Variants in DLG2 observed in about 807,000 individuals in gnomAD.
DLG2 encodes the protein disks large homolog 2.
DLG2 carries 45 observed loss-of-function variants against 132.5 expected under a neutral mutation model. The observed-to-expected ratio is 0.34, with a 90% confidence interval of 0.27 to 0.44. DLG2 has a LOEUF of 0.44. DLG2 is among the 20% of genes least tolerant of loss of function. The probability of loss-of-function intolerance (pLI) is 1.00; values close to 1 mark genes in which losing one functional copy is unlikely to be tolerated. For synonymous variants in DLG2, 424 were observed against 419.6 expected (o/e 1.01, Z -0.13); for missense variants, 1,045 against 1,196.9 (o/e 0.87, Z 1.87).
intron 3 of DLG2, among the ~76,000 whole-genome samples, chr11:85,543,743 A>G (rs1345898240): frequency 6.6e-6 from 1 of 152,148 alleles, no homozygotes; most frequent in Non-Finnish European, 1.5e-5. Flanking sequence ...ACCAGTGATG[A>G]TGAGCTTTTT....
chr11:85,592,421 T>C (rs549570941), intron 3 of DLG2, among the ~76,000 whole-genome samples: 12 of 152,210 alleles, frequency 7.9e-5, no homozygotes, highest in Non-Finnish European at 1.8e-4. Context: ...TTTGTTTGTT[T>C]CAACTGAAGC....
chr11:84,388,169 A>G (rs544473041), intron 7 of DLG2, among the ~76,000 whole-genome samples: 1 of 152,230 alleles, frequency 6.6e-6, no homozygotes, highest in Non-Finnish European at 1.5e-5. Flanking sequence ...GATACACAGA[A>G]TTCCAATAAT....
intron 3 of DLG2, among the ~76,000 whole-genome samples, chr11:85,498,821 G>C (rs1013003255): frequency 1.3e-5 from 2 of 152,110 alleles, no homozygotes; most frequent in African/African-American, 4.8e-5. Flanking sequence ...CATGGAAACT[G>C]AACAACCTGC....
chr11:83,708,626 C>T (rs1267659349), intron 18 of DLG2, among the ~76,000 whole-genome samples: 5 of 151,944 alleles, frequency 3.3e-5, no homozygotes, highest in Non-Finnish European at 5.9e-5. Flanking sequence ...CAATATGTTG[C>T]CATTTTTTTA....
intron 6 of DLG2, among the ~76,000 whole-genome samples, chr11:84,565,866 A>C (rs2099452148): frequency 6.6e-6 from 1 of 152,082 alleles, no homozygotes; most frequent in Admixed American, 6.5e-5. Context: ...TAGAATGATC[A>C]TCAAATGTGA....
chr11:84,784,097 A>C (rs1025131915), intron 6 of DLG2, among the ~76,000 whole-genome samples: 2 of 142,834 alleles, frequency 1.4e-5, no homozygotes, highest in African/African-American at 5.2e-5. Context: ...CAGGAGTTCA[A>C]GACCAGCCTG....
chr11:85,248,690 G>T (rs1324415178), intron 4 of DLG2, among the ~76,000 whole-genome samples: 3 of 152,174 alleles, frequency 2.0e-5, no homozygotes, highest in South Asian at 4.1e-4. Flanking sequence ...CTCCAGCAAG[G>T]TTACTAAGGT....
intron 3 of DLG2, among the ~76,000 whole-genome samples, chr11:85,481,193 A>G (rs536158391): frequency 1.3e-5 from 2 of 152,352 alleles, no homozygotes; most frequent in South Asian, 4.1e-4. Flanking sequence ...TATGTTCGGT[A>G]TCTACACATA....
chr11:83,865,690 A>G (rs1310233536), intron 16 of DLG2, among the ~76,000 whole-genome samples: 1 of 152,064 alleles, frequency 6.6e-6, no homozygotes, highest in African/African-American at 2.4e-5. Context: ...ACAAACACAT[A>G]AACATAAAAC....
Position 84,714,565 on chromosome 11 carries a change from T to C in DLG2, c.358-179834A>G, listed in dbSNP as rs1019430640. On this transcript the variant is annotated intron_variant, in intron 6 of 27. Transcript: ENST00000376104. ...TCTTTCTCTTTCTCTCTCTTTCTCTTTCTCTTTCTCTTTCTCTTTCTCTTT... is the reference window on the plus strand; with the variant it reads ...TCTTTCTCTTTCTCTCTCTTTCTCTCTCTCTTTCTCTTTCTCTTTCTCTTT... Among the ~76,000 whole-genome samples, 403 of 98,604 alleles carry C rather than the reference T, an allele frequency of 4.1e-3. 6 individuals are homozygous for C. The highest frequency in any genetic ancestry group is 5.3e-3 in the Middle Eastern group (1 of 190). 64.7% of individuals were successfully genotyped at this position (98,604 alleles called of 152,430 possible).
At chr11:85,058,701 A>G (rs1197403399) in intron 6 of DLG2, among the ~76,000 whole-genome samples, 1 of 151,574 alleles carries the variant, frequency 6.6e-6, no homozygotes, top group Non-Finnish European at 1.5e-5. Flanking sequence ...GTATTTGAAT[A>G]GGGTTTAAAA....
intron 3 of DLG2, among the ~76,000 whole-genome samples, chr11:85,445,759 TAG>T (rs1472777009): frequency 6.6e-6 from 1 of 152,210 alleles, no homozygotes; most frequent in African/African-American, 2.4e-5. Flanking sequence ...AAAAGTGGTA[TAG>T]AGTTTTAATT....
At chr11:85,403,276 G>T (rs756482484) in intron 3 of DLG2, among the ~76,000 whole-genome samples, 5 of 152,022 alleles carry the variant, frequency 3.3e-5, no homozygotes, top group African/African-American at 2.4e-5. Flanking sequence ...CACACTCATA[G>T]GTGGAGTTGA....
At chr11:85,553,912 CAT>C in intron 3 of DLG2, among the ~76,000 whole-genome samples, 1 of 150,906 alleles carries the variant, frequency 6.6e-6, no homozygotes, top group Non-Finnish European at 1.5e-5. Context: ...GCTAAATATT[CAT>C]AGTTTAAGTT....
chr11:84,225,644 T>C (rs2154331184), intron 8 of DLG2, among the ~76,000 whole-genome samples: 1 of 152,274 alleles, frequency 6.6e-6, no homozygotes, highest in African/African-American at 2.4e-5. Flanking sequence ...TTCCTCCCTA[T>C]CGTGTCCTTT....
At chr11:83,607,375 G>A (rs980216026) in intron 19 of DLG2, among the ~76,000 whole-genome samples, 4 of 152,258 alleles carry the variant, frequency 2.6e-5, no homozygotes, top group South Asian at 2.1e-4. Flanking sequence ...CAGAAGAACC[G>A]TCTCAGTTAA....
intron 8 of DLG2, among the ~76,000 whole-genome samples, chr11:84,222,961 C>G (rs2096936718): frequency 6.6e-6 from 1 of 152,182 alleles, no homozygotes; most frequent in Non-Finnish European, 1.5e-5. Flanking sequence ...TGAAACTCAT[C>G]ATGTTTGCAT....
chr11:84,668,800 T>C (rs1439154780), intron 6 of DLG2, among the ~76,000 whole-genome samples: 1 of 152,190 alleles, frequency 6.6e-6, no homozygotes, highest in Non-Finnish European at 1.5e-5. Context: ...TTGAAAATAT[T>C]TTTACATTCA....
intron 22 of DLG2, among the ~76,000 whole-genome samples, chr11:83,483,705 G>T (rs2093309729): frequency 6.6e-6 from 1 of 152,284 alleles, no homozygotes; most frequent in South Asian, 2.1e-4. Flanking sequence ...GAGGGAAAGA[G>T]TGAGCAAATG....
Sources: allele counts gnomAD v4.1 joint callset (sites outside exome capture counted in the v4.1 genomes callset), GRCh38; gene constraint gnomAD v4.1.1; transcripts MANE v1.5; gene names NCBI Gene and HGNC (gene_info 2026-07-23, HGNC 2026-07-21).